FAAH2: variants seen among roughly 807,000 people sequenced by gnomAD.
FAAH2 encodes fatty acid amide hydrolase 2.
Under a neutral mutation model 36.9 loss-of-function variants are expected in FAAH2, and 60 were observed. The observed-to-expected ratio is 1.63, with a 90% confidence interval of 1.32 to 2.02. The LOEUF is 2.02. Among genes scored for constraint, FAAH2 ranks in the 30% most tolerant of loss-of-function variants. The pLI is 0.00. For missense variants in FAAH2, 689 were observed against 397.5 expected, an observed-to-expected ratio of 1.73 and a Z score of -6.23; for synonymous variants, 214 against 143.8, an observed-to-expected ratio of 1.49 and a Z score of -3.49.
chrX:57,127,727 T>G, the FAAH2 span, among the ~76,000 whole-genome samples: 4 of 111,453 alleles, frequency 3.6e-5, no homozygotes, highest in African/African-American at 1.3e-4. Flanking sequence ...TTCCTTTTTC[T>G]CCTTGCCACC....
rs776746830 is a variant in FAAH2 at position 57,378,515 on chromosome X, A to G, written c.743-136A>G. 509 of 743,128 alleles carry G rather than the reference A, an allele frequency of 6.8e-4. 1 individual carries two copies. The South Asian group carries it at 8.0e-3, about 12-fold the overall frequency. 61.2% of individuals were successfully genotyped at this position (743,128 alleles called of 1,213,427 possible). A position where few individuals can be genotyped will look rare whatever the true frequency, so the allele number is the denominator to read the frequency against. ...GCTAGTAAAATTGTGAAACTACTGCAATGAGATATAAGAAGACCTGAAAAG... is the reference window on the plus strand; with the variant it reads ...GCTAGTAAAATTGTGAAACTACTGCGATGAGATATAAGAAGACCTGAAAAG... On this transcript the variant is annotated intron_variant, in intron 5 of 10. Coordinates refer to ENST00000374900, the MANE Select transcript of FAAH2 (RefSeq NM_174912.4).
chrX:57,237,185 T>G, the FAAH2 span, among the ~76,000 whole-genome samples: 2 of 111,708 alleles, frequency 1.8e-5, no homozygotes, highest in Non-Finnish European at 3.8e-5. Flanking sequence ...GAATTAATTT[T>G]GGGTTCTCAA....
chrX:57,160,662 T>C, the FAAH2 span, among the ~76,000 whole-genome samples: 2 of 112,231 alleles, frequency 1.8e-5, no homozygotes. Context: ...TAGTAGTTTG[T>C]ATTTCTGTGG....
chrX:57,226,673 T>C, the FAAH2 span, among the ~76,000 whole-genome samples: 1 of 112,129 alleles, frequency 8.9e-6, no homozygotes, highest in South Asian at 3.7e-4. Context: ...TTCTTTGTGC[T>C]TCTTGTATTT....
chrX:57,471,857 A>C (rs1379882971), intron 10 of FAAH2, among the ~76,000 whole-genome samples: 3 of 112,178 alleles, frequency 2.7e-5, no homozygotes, highest in African/African-American at 9.7e-5. Flanking sequence ...ACAAGGCTAC[A>C]GTAACCAAAA....
At chrX:57,337,329 A>G (rs1194593555) in intron 4 of FAAH2, among the ~76,000 whole-genome samples, 1 of 110,133 alleles carries the variant, frequency 9.1e-6, no homozygotes, top group Non-Finnish European at 1.9e-5. Flanking sequence ...CCACAGGTAC[A>G]AAGAGGAGCT....
At chrX:57,385,051 G>C (rs2054977729) in intron 7 of FAAH2, among the ~76,000 whole-genome samples, 1 of 110,333 alleles carries the variant, frequency 9.1e-6, no homozygotes, top group East Asian at 2.8e-4. Flanking sequence ...AATACCGCAT[G>C]TTTTCACTCA....
At chrX:57,387,035 A>G (rs192731257) in intron 7 of FAAH2, among the ~76,000 whole-genome samples, 53 of 112,476 alleles carry the variant, frequency 4.7e-4, no homozygotes, top group East Asian at 4.4e-3. Context: ...AAGGATCTAT[A>G]CTACTGTTGT....
At chrX:57,173,894 A>G in the FAAH2 span, among the ~76,000 whole-genome samples, 3 of 111,640 alleles carry the variant, frequency 2.7e-5, no homozygotes, top group African/African-American at 6.5e-5. Flanking sequence ...ATGTTGAAAC[A>G]TTCCTGCATC....
chrX:57,220,833 C>T, the FAAH2 span, among the ~76,000 whole-genome samples: 2 of 111,698 alleles, frequency 1.8e-5, no homozygotes, highest in Non-Finnish European at 3.8e-5. Context: ...AAGCAGCTCC[C>T]ACAAGGACTG....
intron 10 of FAAH2, among the ~76,000 whole-genome samples, chrX:57,469,456 C>G (rs1408494646): frequency 9.0e-6 from 1 of 111,465 alleles, no homozygotes; most frequent in Non-Finnish European, 1.9e-5. Context: ...ATCCTGATCT[C>G]TGATGAAACA....
the FAAH2 span, among the ~76,000 whole-genome samples, chrX:57,140,833 G>A: frequency 4.5e-5 from 5 of 111,436 alleles, no homozygotes; most frequent in Admixed American, 9.6e-5. Context: ...TCCAAAAAGA[G>A]GGAGGAAGAG....
intron 7 of FAAH2, among the ~76,000 whole-genome samples, chrX:57,413,554 C>T (rs756582557): frequency 1.8e-5 from 2 of 111,272 alleles, no homozygotes; most frequent in South Asian, 7.6e-4. Flanking sequence ...TTTCTGAGAC[C>T]TCTGTTCTGT....
At chrX:57,204,384 T>C in the FAAH2 span, among the ~76,000 whole-genome samples, 3 of 111,850 alleles carry the variant, frequency 2.7e-5, no homozygotes, top group Middle Eastern at 9.3e-3. Flanking sequence ...GTTCTCTGTG[T>C]CAGCCATTGT....
chrX:57,429,439 G>T (rs1308750645), intron 7 of FAAH2, among the ~76,000 whole-genome samples: 1 of 110,810 alleles, frequency 9.0e-6, no homozygotes, highest in Admixed American at 9.6e-5. Context: ...ATAAAAAACT[G>T]CTTAACATTA....
rs767532494 is a variant in FAAH2, at chrX:57,376,239, A to G, written c.743-2412A>G. On this transcript the variant is annotated intron_variant, in intron 5 of 10. Transcript: ENST00000374900. The stretch of plus-strand genomic sequence containing the variant: ...TAAGTCTTGTTACGTGTTCATCGAT[A>G]TTATTAATCTTCTCCACAAATAATC... Among the ~76,000 whole-genome samples the G allele has an allele frequency of 2.7e-5, 3 of 110,643 alleles. No individual in the cohort carries two copies. In the South Asian group the frequency reaches 1.2e-3, roughly 43 times the overall value.
At chrX:57,276,605 A>C in the FAAH2 span, among the ~76,000 whole-genome samples, 1 of 111,652 alleles carries the variant, frequency 9.0e-6, no homozygotes, top group African/African-American at 3.3e-5. Flanking sequence ...GAGACACAAA[A>C]AACCCTTCAA....
At chrX:57,141,386 G>A in the FAAH2 span, among the ~76,000 whole-genome samples, 7 of 111,872 alleles carry the variant, frequency 6.3e-5, no homozygotes, top group South Asian at 7.5e-4. Context: ...TAATATTGGC[G>A]TATAATGTTC....
intron 3 of FAAH2, among the ~76,000 whole-genome samples, chrX:57,311,745 A>G (rs2052699805): frequency 8.9e-6 from 1 of 112,351 alleles, no homozygotes; most frequent in East Asian, 2.8e-4. Context: ...GCAGGTGCAC[A>G]TAACAGCCCC....
Sources: gnomAD v4.1 joint callset for allele counts (sites outside exome capture counted in the v4.1 genomes callset) on GRCh38, gnomAD v4.1.1 for gene constraint, MANE v1.5 for transcripts, NCBI Gene and HGNC (gene_info 2026-07-23, HGNC 2026-07-21) for gene names.